The following ATP8A2 variants were observed in gnomAD, a reference collection of about 807,000 sequenced individuals.
The protein encoded by ATP8A2 is phospholipid-transporting ATPase IB.
A neutral mutation model predicts 165.6 loss-of-function variants in ATP8A2; 100 were observed. That is an observed-to-expected ratio of 0.60 (90% CI 0.51 to 0.71). The LOEUF is 0.71. Among genes scored for constraint, ATP8A2 ranks in the 30% least tolerant of loss-of-function variants. The pLI, the probability that ATP8A2 is intolerant of heterozygous loss-of-function variation, is 0.00. For missense variants in ATP8A2, 1,227 were observed against 1,479.5 expected (o/e 0.83, Z 2.80); for synonymous variants, 543 against 548.8 (o/e 0.99, Z 0.15).
intron 2 of ATP8A2, among the ~76,000 whole-genome samples, chr13:25,518,685 TG>T (rs1381161194): frequency 6.6e-6 from 1 of 152,194 alleles, no homozygotes; most frequent in African/African-American, 2.4e-5. Context: ...GTATTGTCTG[TG>T]GGTTCTTGCT....
At position 25,508,088 on chromosome 13, in the gene ATP8A2, A is replaced by C. The variant is rs920206472; in HGVS notation, c.222-21911A>C. ...ACATAAGACAGTACTGTAAAAAAAA[A>C]CTGTTAATATCTGTTGCTGGCAGGA... is the stretch of plus-strand genomic sequence containing the variant. On this transcript the variant is annotated intron_variant, in intron 2 of 36. Coordinates refer to ENST00000381655, the MANE Select transcript of ATP8A2 (RefSeq NM_016529.6). Among the ~76,000 whole-genome samples, 6 of 152,110 alleles carry C rather than the reference A, an allele frequency of 3.9e-5. 1 individual carries two copies. Among genetic ancestry groups the C allele is most frequent in the African/African-American group, 1.5e-4 (6 of 41,362 alleles).
intron 25 of ATP8A2, among the ~76,000 whole-genome samples, chr13:25,722,585 A>G (rs951312608): frequency 6.6e-6 from 1 of 152,208 alleles, no homozygotes; most frequent in Non-Finnish European, 1.5e-5. Flanking sequence ...CATATCATCC[A>G]GAAGGGACTT....
At chr13:26,015,268 G>A (rs1956942460) in intron 36 of ATP8A2, among the ~76,000 whole-genome samples, 1 of 152,204 alleles carries the variant, frequency 6.6e-6, no homozygotes, top group Non-Finnish European at 1.5e-5. Context: ...AGCCAGAGAA[G>A]ATCGTCGGGT....
chr13:25,375,596 T>A (rs867472047), intron 1 of ATP8A2, among the ~76,000 whole-genome samples: 20 of 152,070 alleles, frequency 1.3e-4, no homozygotes, highest in Admixed American at 2.6e-4. Flanking sequence ...TTTTTTTTTT[T>A]TTATTTTGAG....
At chr13:25,567,901 T>G (rs2138159853) in intron 16 of ATP8A2, among the ~76,000 whole-genome samples, 1 of 152,312 alleles carries the variant, frequency 6.6e-6, no homozygotes, top group Admixed American at 6.5e-5. Flanking sequence ...GCCTATTAGA[T>G]TACTTGTTCA....
Position 26,023,613 on chromosome 13 carries a change from C to T in ATP8A2, c.*3628C>T, listed in dbSNP as rs1023560824. 6.6e-6 allele frequency: 1 copy of T among 152,034 alleles called. No homozygotes were observed. The highest frequency in any genetic ancestry group is 2.4e-5 in the African/African-American group (1 of 41,394). The allele number at this position is 152,034 out of a possible 1,614,324, so 9.4% of individuals were successfully genotyped here. A position where few individuals can be genotyped will look rare whatever the true frequency, so the allele number is the denominator to read the frequency against. On this transcript the variant is annotated 3_prime_UTR_variant, in exon 37 of 37. Coordinates refer to ENST00000381655, the MANE Select transcript of ATP8A2 (RefSeq NM_016529.6). ...TAATTTCCATTTGTTATAATAATGA[C>T]CTTTAATCTTGTCATTTGGAACCAT...
At chr13:25,864,284 C>A (rs1172400085) in intron 33 of ATP8A2, among the ~76,000 whole-genome samples, 8 of 152,044 alleles carry the variant, frequency 5.3e-5, no homozygotes, top group African/African-American at 1.7e-4. Context: ...ACAGACAAAG[C>A]CCATTCCTTT....
intron 1 of ATP8A2, among the ~76,000 whole-genome samples, chr13:25,402,625 CCT>C (rs1454112277): frequency 3.3e-5 from 5 of 152,188 alleles, no homozygotes; most frequent in Admixed American, 3.3e-4. Flanking sequence ...TGAAAAAGCC[CCT>C]CATGGAAATA....
At chr13:25,889,291 A>T (rs1466665589) in intron 33 of ATP8A2, among the ~76,000 whole-genome samples, 4 of 132,502 alleles carry the variant, frequency 3.0e-5, no homozygotes, top group African/African-American at 8.9e-5. Context: ...AAATGATTTT[A>T]AAAAATAATA....
chr13:25,512,734 C>A (rs1316032542), intron 2 of ATP8A2, among the ~76,000 whole-genome samples: 1 of 135,684 alleles, frequency 7.4e-6, no homozygotes, highest in Admixed American at 7.3e-5. Flanking sequence ...GGGCGGGGGG[C>A]TGACCCCCCC....
intron 24 of ATP8A2, among the ~76,000 whole-genome samples, chr13:25,634,879 A>G (rs905750492): frequency 6.6e-6 from 1 of 152,170 alleles, no homozygotes; most frequent in African/African-American, 2.4e-5. Context: ...ATGGACACTT[A>G]CCATAGTGTT....
At chr13:25,530,949 G>T (rs1035407768) in intron 4 of ATP8A2, among the ~76,000 whole-genome samples, 1 of 151,932 alleles carries the variant, frequency 6.6e-6, no homozygotes, top group Admixed American at 6.6e-5. Context: ...GCTAATTTGG[G>T]CAGCAAATGA....
intron 2 of ATP8A2, among the ~76,000 whole-genome samples, 176 bp from the exon 3 acceptor site, chr13:25,529,823 G>A (rs1257008039): frequency 1.3e-5 from 2 of 152,124 alleles, no homozygotes; most frequent in Non-Finnish European, 1.5e-5. Flanking sequence ...CTCATCAGGG[G>A]CGCCATTTTA....
intron 35 of ATP8A2, among the ~76,000 whole-genome samples, chr13:25,982,939 A>G (rs1419231544): frequency 1.3e-5 from 2 of 152,104 alleles, no homozygotes; most frequent in South Asian, 2.1e-4. Context: ...TTTTTATGTA[A>G]TATTCTCAAA....
intron 33 of ATP8A2, among the ~76,000 whole-genome samples, chr13:25,907,415 C>T (rs184807857): frequency 2.0e-5 from 3 of 152,170 alleles, no homozygotes. Flanking sequence ...AAGTTGAATG[C>T]TCAGTTGGAT....
chr13:25,798,111 A>G (rs1950534363), intron 27 of ATP8A2, among the ~76,000 whole-genome samples: 1 of 152,168 alleles, frequency 6.6e-6, no homozygotes, highest in Non-Finnish European at 1.5e-5. Flanking sequence ...AGAGGCTATG[A>G]CTTCCTCAAT....
intron 33 of ATP8A2, among the ~76,000 whole-genome samples, chr13:25,904,312 C>A (rs1446918034): frequency 3.9e-5 from 6 of 152,264 alleles, no homozygotes; most frequent in African/African-American, 1.4e-4. Flanking sequence ...CGGTAATCCA[C>A]TGCCCAGCTC....
intron 13 of ATP8A2, among the ~76,000 whole-genome samples, chr13:25,557,854 G>A (rs1049951987): frequency 8.5e-5 from 13 of 152,208 alleles, no homozygotes; most frequent in Middle Eastern, 6.8e-3. Flanking sequence ...AAATTTAGTA[G>A]GCAAAGTGAT....
intron 25 of ATP8A2, among the ~76,000 whole-genome samples, chr13:25,734,796 A>G (rs913154816): frequency 6.6e-6 from 1 of 152,020 alleles, no homozygotes; most frequent in Non-Finnish European, 1.5e-5. Flanking sequence ...ACATCACCAC[A>G]CCTGGCTAAT....
Sources: gnomAD v4.1 joint callset for allele counts (sites outside exome capture counted in the v4.1 genomes callset) on GRCh38, gnomAD v4.1.1 for gene constraint, MANE v1.5 for transcripts, NCBI Gene and HGNC (gene_info 2026-07-23, HGNC 2026-07-21) for gene names.